Variants in NTM observed in about 807,000 individuals in gnomAD.
The protein encoded by NTM is IgLON family member 2.
Under a neutral mutation model 42.1 loss-of-function variants are expected in NTM, and 13 were observed. The observed-to-expected ratio is 0.31, with a 90% CI of 0.20 to 0.49. The LOEUF is 0.49. NTM is among the 20% of genes least tolerant of loss of function. The probability of loss-of-function intolerance (pLI) is 0.99; values close to 1 mark genes in which losing one functional copy is unlikely to be tolerated. For missense variants in NTM, 373 were observed against 452.8 expected (o/e 0.82, Z 1.60); for synonymous variants, 187 against 179.2 (o/e 1.04, Z -0.35).
rs1565552716 is a variant in NTM at position 131,789,613 on chromosome 11, GAAGAAGAAGAAGAAGAAGAAGAA to G, written c.83-121927_83-121905del. Among the ~76,000 whole-genome samples, 12 of 84,570 alleles carry G rather than the reference GAAGAAGAAGAAGAAGAAGAAGAA, an allele frequency of 1.4e-4. 3 individuals carry two copies. The highest frequency in any genetic ancestry group is 6.4e-4 in the African/African-American group (12 of 18,678). 55.5% of individuals were successfully genotyped at this position (84,570 alleles called of 152,430 possible). A position where few individuals can be genotyped will look rare whatever the true frequency, so the allele number is the denominator to read the frequency against. On this transcript the variant is annotated intron_variant, in intron 1 of 8. Transcript: ENST00000683400. ...AGAAGAAGAAGAAGAAGAAGAAGAA[GAAGAAGAAGAAGAAGAAGAAGAA>G]AAGAAGAAGAAGAAGAAGAAGAAGA...
At chr11:132,111,665 C>T (rs2063219752) in intron 2 of NTM, among the ~76,000 whole-genome samples, 1 of 152,192 alleles carries the variant, frequency 6.6e-6, no homozygotes, top group Non-Finnish European at 1.5e-5. Flanking sequence ...AACTGACCTC[C>T]TGAAAACAGT....
In NTM at chr11:132,069,281, C is replaced by T. The variant is rs568678336; in HGVS notation, c.168-77001C>T. ...GACCATCACAGATTAGTTAACACGT[C>T]ACTCAGCCAAGTTAACACGTCACAC... is the stretch of plus-strand genomic sequence containing the variant. On this transcript the variant is annotated intron_variant, in intron 2 of 8. Coordinates refer to ENST00000683400, the MANE Select transcript of NTM (RefSeq NM_001352005.2). Among the ~76,000 whole-genome samples, 431 of 149,682 alleles carry T rather than the reference C, an allele frequency of 2.9e-3. 4 individuals carry two copies. Among genetic ancestry groups the T allele is most frequent in the African/African-American group, 0.01 (415 of 40,220 alleles).
intron 1 of NTM, among the ~76,000 whole-genome samples, chr11:131,796,429 A>G (rs953937496): frequency 1.3e-5 from 2 of 152,100 alleles, no homozygotes; most frequent in African/African-American, 4.8e-5. Context: ...TGGAAGCAGA[A>G]CTCACTTCCC....
At chr11:132,255,954 A>G (rs2092436214) in intron 4 of NTM, among the ~76,000 whole-genome samples, 1 of 152,150 alleles carries the variant, frequency 6.6e-6, no homozygotes, top group Admixed American at 6.5e-5. Context: ...GCAAAACATC[A>G]GAACCAAAGA....
rs77493081 is a variant in NTM at position 131,857,783 on chromosome 11, T to C, written c.83-53781T>C. Among the ~76,000 whole-genome samples the C allele has an allele frequency of 2.9e-3, 439 of 152,294 alleles. 1 individual carries two copies. Among genetic ancestry groups the C allele is most frequent in the African/African-American group, 1.0e-2 (415 of 41,560 alleles). ...TAGTCTATGTTATTGTCTCCTAACT[T>C]GTCTCCTTATCTCCTGGCTCACCCA... On this transcript the variant is annotated intron_variant, in intron 1 of 8. Coordinates refer to ENST00000683400, the MANE Select transcript of NTM (RefSeq NM_001352005.2).
At chr11:131,993,272 T>A (rs1187942094) in intron 2 of NTM, among the ~76,000 whole-genome samples, 4 of 152,018 alleles carry the variant, frequency 2.6e-5, no homozygotes, top group Non-Finnish European at 5.9e-5. Flanking sequence ...AGGTCTTACC[T>A]AAAGGAGGAG....
chr11:131,431,830 C>A (rs1034867127), intron 1 of NTM, among the ~76,000 whole-genome samples: 1 of 152,134 alleles, frequency 6.6e-6, no homozygotes, highest in Non-Finnish European at 1.5e-5. Context: ...GTTATCCCAA[C>A]CCAGCTCCCA....
At chr11:131,487,797 G>A (rs1471429271) in intron 1 of NTM, among the ~76,000 whole-genome samples, 2 of 152,198 alleles carry the variant, frequency 1.3e-5, no homozygotes, top group Admixed American at 6.5e-5. Context: ...ATGGAGGAAG[G>A]TCCGCCTGCC....
intron 1 of NTM, among the ~76,000 whole-genome samples, chr11:131,409,678 T>C (rs2135741922): frequency 6.6e-6 from 1 of 152,288 alleles, no homozygotes; most frequent in Non-Finnish European, 1.5e-5. Context: ...ATATTGTCTA[T>C]AAAAGCCCCG....
At chr11:132,060,181 G>A (rs913235075) in intron 2 of NTM, among the ~76,000 whole-genome samples, 1 of 152,152 alleles carries the variant, frequency 6.6e-6, no homozygotes, top group Non-Finnish European at 1.5e-5. Flanking sequence ...GGCATTATAC[G>A]TCTTCCCAAA....
intron 1 of NTM, among the ~76,000 whole-genome samples, chr11:131,401,659 A>T (rs1945146330): frequency 6.6e-6 from 1 of 150,984 alleles, no homozygotes; most frequent in South Asian, 2.1e-4. Flanking sequence ...TAGGCATTTG[A>T]AAAAGATGTT....
chr11:132,142,599 C>G (rs2069417928), intron 2 of NTM, among the ~76,000 whole-genome samples: 1 of 152,114 alleles, frequency 6.6e-6, no homozygotes, highest in Admixed American at 6.5e-5. Flanking sequence ...GAGTTGGCTG[C>G]CGAGGTACCT....
intron 1 of NTM, among the ~76,000 whole-genome samples, chr11:131,772,994 A>G (rs1258072861): frequency 2.0e-5 from 3 of 152,278 alleles, no homozygotes; most frequent in African/African-American, 7.2e-5. Context: ...ATATGTTTGT[A>G]GAACTGATGT....
At chr11:131,624,840 G>A (rs1462527170) in intron 1 of NTM, among the ~76,000 whole-genome samples, 2 of 152,118 alleles carry the variant, frequency 1.3e-5, no homozygotes, top group African/African-American at 4.8e-5. Flanking sequence ...CATGCCTACC[G>A]CATGCCAGGA....
intron 3 of NTM, among the ~76,000 whole-genome samples, chr11:132,199,613 C>T (rs1461164457): frequency 2.0e-5 from 3 of 152,092 alleles, no homozygotes; most frequent in African/African-American, 2.4e-5. Context: ...GAGTAGATGG[C>T]CTTGTGTCAA....
intron 2 of NTM, among the ~76,000 whole-genome samples, chr11:132,104,743 GA>G (rs572592700): frequency 1.3e-5 from 2 of 149,282 alleles, no homozygotes; most frequent in Middle Eastern, 3.5e-3. Context: ...AAAAAGAAAA[GA>G]AAAAAAATAA....
At chr11:131,886,505 C>T (rs2050419231) in intron 1 of NTM, among the ~76,000 whole-genome samples, 1 of 152,238 alleles carries the variant, frequency 6.6e-6, no homozygotes, top group South Asian at 2.1e-4. Flanking sequence ...CTCATATTTG[C>T]ACTCTACCTC....
intron 2 of NTM, among the ~76,000 whole-genome samples, chr11:131,933,242 C>T (rs1184872517): frequency 6.6e-6 from 1 of 152,184 alleles, no homozygotes; most frequent in Admixed American, 6.5e-5. Context: ...TGCGTGGGGC[C>T]CTGGGGCAGG....
chr11:131,614,942 C>A (rs1160315664), intron 1 of NTM, among the ~76,000 whole-genome samples: 1 of 152,206 alleles, frequency 6.6e-6, no homozygotes, highest in Non-Finnish European at 1.5e-5. Flanking sequence ...GCTCGCCAAG[C>A]TCATGCCCCC....
Sources: gnomAD v4.1 joint callset for allele counts (sites outside exome capture counted in the v4.1 genomes callset) on GRCh38, gnomAD v4.1.1 for gene constraint, MANE v1.5 for transcripts, NCBI Gene and HGNC (gene_info 2026-07-23, HGNC 2026-07-21) for gene names.